The following PPIL3 variants were observed in gnomAD, a reference collection of about 807,000 sequenced individuals.
PPIL3 encodes the protein peptidyl-prolyl cis-trans isomerase-like 3.
A neutral mutation model predicts 20.9 loss-of-function variants in PPIL3; 13 were observed. The ratio of observed to expected loss-of-function variants is 0.62; its 90% confidence interval spans 0.40 to 0.99. The LOEUF (loss-of-function observed/expected upper bound fraction) is 0.99. Among genes scored for constraint, PPIL3 ranks in the 50% least tolerant of loss-of-function variants. PPIL3 has a pLI of 0.00. For missense variants in PPIL3, 170 were observed against 195.2 expected, an observed-to-expected ratio of 0.87 and a Z score of 0.77; for synonymous variants, 71 against 64.4, an observed-to-expected ratio of 1.10 and a Z score of -0.49.
chr2:200,888,932 A>T (rs745972751), intron 1 of PPIL3, 24 bp downstream of exon 1: 2 of 471,144 alleles, frequency 4.2e-6, no homozygotes, highest in African/African-American at 2.0e-5. Context: ...AGTGAATGAA[A>T]GAATTAATGA....
intron 1 of PPIL3, among the ~76,000 whole-genome samples, chr2:200,887,916 G>A (rs987462150): frequency 3.3e-5 from 5 of 152,070 alleles, no homozygotes; most frequent in Admixed American, 2.6e-4. Context: ...AATTAGCCGG[G>A]TGTGGTGGCA....
chr2:200,884,509 G>A (rs1342106607), intron 3 of PPIL3, among the ~76,000 whole-genome samples: 1 of 152,078 alleles, frequency 6.6e-6, no homozygotes, highest in South Asian at 2.1e-4. Flanking sequence ...AAGCTGAGAT[G>A]GGACGATGGC....
intron 5 of PPIL3, 105 bp from the exon 6 acceptor site, chr2:200,877,142 T>C: frequency 2.6e-6 from 2 of 776,236 alleles, no homozygotes; most frequent in Non-Finnish European, 4.4e-6. Flanking sequence ...TAAAAATATT[T>C]TGAGATTGGG....
intron 1 of PPIL3, 23 bp downstream of exon 1, chr2:200,888,933 G>C (rs1024428607): frequency 5.7e-5 from 27 of 471,056 alleles, no homozygotes; most frequent in Admixed American, 4.5e-4. Context: ...GTGAATGAAA[G>C]AATTAATGAC....
At chr2:200,886,702 A>G (rs931016058) in intron 2 of PPIL3, among the ~76,000 whole-genome samples, 1 of 152,250 alleles carries the variant, frequency 6.6e-6, no homozygotes, top group Non-Finnish European at 1.5e-5. Context: ...CCGAGATTAC[A>G]GGCGTGAGCC....
At position 200,880,532 on chromosome 2, in the gene PPIL3, C is replaced by T. The variant is rs1575107148; in HGVS notation, c.240+889G>A. On this transcript the variant is annotated intron_variant, in intron 5 of 6. Transcript: ENST00000392283. ...TTGAGTAGCTGGGACTACAGGCACA[C>T]GCCACTATAACAGGCTAATATTTGT... is the stretch of plus-strand genomic sequence containing the variant. Among the ~76,000 whole-genome samples, 3 of 151,156 alleles carry T rather than the reference C, an allele frequency of 2.0e-5. No individual in the cohort carries two copies. The South Asian group carries it at 6.2e-4, about 31-fold the overall frequency.
intron 5 of PPIL3, chr2:200,877,707 T>C (rs1479186583): frequency 2.6e-5 from 4 of 152,104 alleles, no homozygotes; most frequent in Non-Finnish European, 5.9e-5. Flanking sequence ...ATGTAAACAT[T>C]AGAGAGAGAT....
At chr2:200,886,929 T>C (rs997596175) in intron 2 of PPIL3, 1 of 152,348 alleles carries the variant, frequency 6.6e-6, no homozygotes, top group Non-Finnish European at 1.5e-5. Flanking sequence ...CCTCCCAAAG[T>C]GCTGGGATCA....
chr2:200,881,361 C>CA, intron 5 of PPIL3, 60 bp downstream of exon 5: 1 of 1,316,252 alleles, frequency 7.6e-7, no homozygotes, highest in Non-Finnish European at 1.1e-6. Flanking sequence ...ACACATGTAT[C>CA]AAAGTTTCCA....
chr2:200,873,885 A>G (rs2039405715), intron 6 of PPIL3, among the ~76,000 whole-genome samples: 1 of 151,944 alleles, frequency 6.6e-6, no homozygotes, highest in East Asian at 1.9e-4. Flanking sequence ...AGGGATTCTC[A>G]ACCACTGGTA....
chr2:200,888,951 C>T lies in PPIL3; in HGVS notation c.-71+5G>A, dbSNP rs79251181. The T allele has an allele frequency of 6.4e-6, 3 of 471,176 alleles. No individual in the cohort carries two copies. In the East Asian group the frequency reaches 2.1e-4, roughly 33 times the overall value. 29.2% of individuals were successfully genotyped at this position (471,176 alleles called of 1,614,324 possible). On this transcript the variant is annotated splice_donor_5th_base_variant and intron_variant, in intron 1 of 6. Transcript: ENST00000392283. ...AATGAAAGAATTAATGACGTTACTC[C>T]ATACTTGGGCTTCACCACTTCGTCT...
At chr2:200,881,537 A>G (rs773964710) in intron 4 of PPIL3, 49 bp from the exon 5 acceptor site, 2 of 1,512,356 alleles carry the variant, frequency 1.3e-6, no homozygotes, top group African/African-American at 2.8e-5. Context: ...TTAAATTGAA[A>G]ACAAGTTCAT....
intron 2 of PPIL3, chr2:200,886,815 T>C (rs1194824810): frequency 6.6e-6 from 1 of 152,140 alleles, no homozygotes; most frequent in Non-Finnish European, 1.5e-5. Flanking sequence ...AGGTTCTAGT[T>C]GCCCACTTTA....
chr2:200,888,200 A>G (rs1334672253), intron 1 of PPIL3: 2 of 152,058 alleles, frequency 1.3e-5, no homozygotes, highest in Admixed American at 6.6e-5. Flanking sequence ...AAGTCCCCCA[A>G]TAACCCAGAT....
chr2:200,887,379 CAAA>C (rs770510276), intron 2 of PPIL3, among the ~76,000 whole-genome samples: 240 of 50,786 alleles, frequency 4.7e-3, no homozygotes, highest in African/African-American at 0.015. Flanking sequence ...GAGTGAAACT[CAAA>C]AAAAAAAAAA....
chr2:200,881,629 A>T, intron 4 of PPIL3, 141 bp from the exon 5 acceptor site: 1 of 623,518 alleles, frequency 1.6e-6, no homozygotes, highest in Non-Finnish European at 2.7e-6. Context: ...AATTCCCCAA[A>T]TTTAACTTCA....
Position 200,871,518 on chromosome 2 carries a change from T to A in PPIL3, c.363A>T (p.Val121=), listed in dbSNP as rs143136349. The A allele has an allele frequency of 4.3e-5, 70 of 1,610,968 alleles. No individual in the cohort carries two copies. Among genetic ancestry groups the A allele is most frequent in the Non-Finnish European group, 5.8e-5 (68 of 1,178,564 alleles). ...LDMKYTVFGK[V]IDGLETLDEL... Reference sequence around the variant, plus strand: ...CATCTAGAGTTTCCAGACCATCTATTACCCTGAAAGAGAAACAACATAACA... The same window carrying A: ...CATCTAGAGTTTCCAGACCATCTATAACCCTGAAAGAGAAACAACATAACA... The change falls in exon 7 of 7, where the codon GTA becomes GTT. Residue 121 remains valine (V), a synonymous_variant. Coordinates refer to ENST00000392283, the MANE Select transcript of PPIL3 (RefSeq NM_130906.3).
chr2:200,887,136 A>G (rs1290746397), intron 2 of PPIL3, among the ~76,000 whole-genome samples: 11 of 152,092 alleles, frequency 7.2e-5, no homozygotes, highest in East Asian at 1.9e-4. Context: ...TGTAATTCCA[A>G]CACTTTGGGA....
In PPIL3 at chr2:200,871,527, A is replaced by G; in HGVS notation, c.360-6T>C. 6.2e-7 allele frequency: 1 copy of G among 1,609,310 alleles called. No homozygotes were observed. On this transcript the variant is annotated splice_polypyrimidine_tract_variant and splice_region_variant and intron_variant, in intron 6 of 6. Transcript: ENST00000392283. Reference sequence around the variant, plus strand: ...TTTCCAGACCATCTATTACCCTGAAAGAGAAACAACATAACATATGAAAAT... The same window carrying G: ...TTTCCAGACCATCTATTACCCTGAAGGAGAAACAACATAACATATGAAAAT...
Sources: gnomAD v4.1 joint callset for allele counts (sites outside exome capture counted in the v4.1 genomes callset) on GRCh38, gnomAD v4.1.1 for gene constraint, MANE v1.5 for transcripts, NCBI Gene and HGNC (gene_info 2026-07-23, HGNC 2026-07-21) for gene names.